Variants in SYCP1 observed in about 807,000 individuals in gnomAD.
SYCP1 encodes cancer/testis antigen 8.
Under a neutral mutation model 153.1 loss-of-function variants are expected in SYCP1, and 64 were observed. That is an observed-to-expected ratio of 0.42 (90% CI 0.34 to 0.51). SYCP1 has a LOEUF of 0.51. Among genes scored for constraint, SYCP1 ranks in the 20% least tolerant of loss-of-function variants. The pLI is 0.06. For synonymous variants in SYCP1, 384 were observed against 341.8 expected (o/e 1.12, Z -1.36); for missense variants, 997 against 1,049.0 (o/e 0.95, Z 0.68).
At chr1:114,896,007 A>G (rs1667037980) in intron 16 of SYCP1, among the ~76,000 whole-genome samples, 1 of 152,122 alleles carries the variant, frequency 6.6e-6, no homozygotes. Flanking sequence ...TGGGCCATAC[A>G]TGGTCTCTCT....
In SYCP1 at chr1:114,981,397, T is replaced by C; in HGVS notation, c.2444T>C (p.Val815Ala). Residue 815 changes from valine (V) to alanine (A), a missense_variant, in exon 29 of 32, where the codon GTT becomes GCT. Around this residue, in one of 2 missense-constraint regions of SYCP1, gnomAD observed 712 missense variants for 682.9 expected, o/e 1.04. Coordinates refer to ENST00000369522, the MANE Select transcript of SYCP1 (RefSeq NM_003176.4). ...EIYWKLDSKA[V>A]PSQTVSRNFT... Reference sequence around the variant, plus strand: ...TATTGGAAATTGGATTCTAAAGCAGTTCCTTCACAAACTGTATCTCGAAAT... The same window carrying C: ...TATTGGAAATTGGATTCTAAAGCAGCTCCTTCACAAACTGTATCTCGAAAT... The C allele has an allele frequency of 1.9e-6, 3 of 1,608,778 alleles. No individual in the cohort carries two copies. The highest frequency in any genetic ancestry group is 2.5e-6 in the Non-Finnish European group (3 of 1,178,104).
At chr1:114,878,281 G>A in intron 12 of SYCP1, 79 bp downstream of exon 12, 1 of 1,005,126 alleles carries the variant, frequency 9.9e-7, no homozygotes, top group Non-Finnish European at 1.5e-6. Context: ...TTCATTACAA[G>A]TTTGTTGTAA....
At chr1:114,937,547 G>A (rs879665242) in intron 23 of SYCP1, among the ~76,000 whole-genome samples, 316 of 152,190 alleles carry the variant, frequency 2.1e-3, no homozygotes, top group Non-Finnish European at 3.7e-3. Context: ...TGACAAATGG[G>A]ATCTAATTAA....
At chr1:114,940,623 T>C (rs998365092) in intron 23 of SYCP1, among the ~76,000 whole-genome samples, 3 of 152,202 alleles carry the variant, frequency 2.0e-5, no homozygotes, top group Admixed American at 1.3e-4. Flanking sequence ...GAATTGTTAC[T>C]AGAGAGCACA....
chr1:114,907,213 T>A (rs1667868568), intron 16 of SYCP1, among the ~76,000 whole-genome samples: 1 of 152,224 alleles, frequency 6.6e-6, no homozygotes, highest in Admixed American at 6.5e-5. Context: ...TTTGTACATA[T>A]GTGCTTATAT....
chr1:114,977,457 ATCTT>A, intron 27 of SYCP1, 96 bp from the exon 28 acceptor site: 1 of 739,050 alleles, frequency 1.4e-6, no homozygotes, highest in South Asian at 2.1e-5. Flanking sequence ...GAGGTTCGTC[ATCTT>A]TCTTTGTTAA....
intron 16 of SYCP1, among the ~76,000 whole-genome samples, chr1:114,897,654 G>A (rs1372870947): frequency 6.6e-6 from 1 of 152,084 alleles, no homozygotes; most frequent in African/African-American, 2.4e-5. Flanking sequence ...AGAGGAGATA[G>A]GAGGAAAAAG....
At chr1:114,864,766 G>T (rs917884665) in intron 8 of SYCP1, among the ~76,000 whole-genome samples, 1 of 152,106 alleles carries the variant, frequency 6.6e-6, no homozygotes. Flanking sequence ...GGGATTATAG[G>T]TGTCAGCCAC....
At chr1:114,905,337 A>G (rs1414267619) in intron 16 of SYCP1, among the ~76,000 whole-genome samples, 3 of 152,206 alleles carry the variant, frequency 2.0e-5, no homozygotes, top group African/African-American at 4.8e-5. Flanking sequence ...AACAGAAGCC[A>G]TGTGTGTCTC....
At chr1:114,948,055 C>T (rs1247947229) in intron 27 of SYCP1, among the ~76,000 whole-genome samples, 1 of 151,340 alleles carries the variant, frequency 6.6e-6, no homozygotes, top group Non-Finnish European at 1.5e-5. Flanking sequence ...CTATCCCTAC[C>T]CCCTGGAACA....
At chr1:114,909,004 C>G (rs1004682150) in intron 16 of SYCP1, among the ~76,000 whole-genome samples, 1 of 152,126 alleles carries the variant, frequency 6.6e-6, no homozygotes, top group African/African-American at 2.4e-5. Context: ...TTGCTAGATT[C>G]AAAAATAAAC....
At chr1:114,930,354 T>C (rs1020814225) in intron 23 of SYCP1, among the ~76,000 whole-genome samples, 1 of 151,800 alleles carries the variant, frequency 6.6e-6, no homozygotes. Context: ...GGAGAAACAA[T>C]TAAATGAAGT....
At chr1:114,908,462 T>C (rs1466523139) in intron 16 of SYCP1, among the ~76,000 whole-genome samples, 1 of 152,204 alleles carries the variant, frequency 6.6e-6, no homozygotes, top group Non-Finnish European at 1.5e-5. Flanking sequence ...TTTTGCTGTC[T>C]TCTCCTTCTA....
chr1:114,952,535 G>T (rs1477786464), intron 27 of SYCP1, among the ~76,000 whole-genome samples: 1 of 152,126 alleles, frequency 6.6e-6, no homozygotes, highest in Non-Finnish European at 1.5e-5. Flanking sequence ...TTACAATTAT[G>T]GTGGAAGGGG....
At position 114,981,480 on chromosome 1, in the gene SYCP1, G is replaced by C; in HGVS notation, c.2527G>C (p.Ala843Pro). Residue 843 changes from alanine to proline, a missense_variant, in exon 29 of 32, where the codon GCC (alanine) becomes CCC (proline). Transcript: ENST00000369522. ...KDKRDYLWTS[A>P]KNTLSTPLPK... ...TAAAAGAGACTATCTGTGGACATCT[G>C]CCAAAAATACTTTATCTACACCATT... 1.3e-6 allele frequency: 2 copies of C among 1,597,960 alleles called. No individual in the cohort carries two copies. Among genetic ancestry groups the C allele is most frequent in the South Asian group, 2.3e-5 (2 of 86,390 alleles).
intron 27 of SYCP1, among the ~76,000 whole-genome samples, chr1:114,962,346 T>C (rs768505197): frequency 1.8e-4 from 28 of 152,196 alleles, no homozygotes; most frequent in Non-Finnish European, 3.8e-4. Context: ...GAACCAGTGT[T>C]AGGTGCATAT....
intron 16 of SYCP1, among the ~76,000 whole-genome samples, chr1:114,895,722 A>G (rs1432140878): frequency 6.6e-6 from 1 of 152,090 alleles, no homozygotes; most frequent in Non-Finnish European, 1.5e-5. Flanking sequence ...ATATCATTTG[A>G]ATATGTGTTG....
intron 7 of SYCP1, among the ~76,000 whole-genome samples, chr1:114,860,174 A>G (rs1664278024): frequency 6.6e-6 from 1 of 152,162 alleles, no homozygotes; most frequent in African/African-American, 2.4e-5. Flanking sequence ...GTTAATTCTT[A>G]CTCAAATTCC....
In SYCP1 at chr1:114,860,726, T is replaced by A; in HGVS notation, c.525-10T>A. ...GATTACACACAGGCAAACTCTTTCCTTTGTTTCAGGAATAATGCCACAAGG... is the reference window on the plus strand; with the variant it reads ...GATTACACACAGGCAAACTCTTTCCATTGTTTCAGGAATAATGCCACAAGG... On this transcript the variant is annotated splice_polypyrimidine_tract_variant and intron_variant, in intron 7 of 31. Transcript: ENST00000369522. 6.3e-7 allele frequency: 1 copy of A among 1,589,520 alleles called. No individual in the cohort carries two copies. Among genetic ancestry groups the A allele is most frequent in the East Asian group, 2.3e-5 (1 of 44,176 alleles).
Sources: gnomAD v4.1 joint callset for allele counts (sites outside exome capture counted in the v4.1 genomes callset) on GRCh38, gnomAD v4.1.1 for gene constraint, gnomAD v4.1.1 regional missense constraint, MANE v1.5 for transcripts, NCBI Gene and HGNC (gene_info 2026-07-23, HGNC 2026-07-21) for gene names.